Variants in TMEM117 observed in about 807,000 individuals in gnomAD.
The protein encoded by TMEM117 is transmembrane protein 117.
Under a neutral mutation model 52.4 loss-of-function variants are expected in TMEM117, and 27 were observed. The observed-to-expected ratio is 0.51, with a 90% CI of 0.38 to 0.71. The LOEUF is 0.71. TMEM117 is among the 30% of genes least tolerant of loss of function. The pLI is 0.00. For missense variants in TMEM117, 556 were observed against 630.5 expected (o/e 0.88, Z 1.26); for synonymous variants, 215 against 206.3 (o/e 1.04, Z -0.36).
chr12:43,877,926 C>G lies in TMEM117; in HGVS notation c.277+32998C>G, dbSNP rs567073364. 3.6e-5 allele frequency among the ~76,000 whole-genome samples: 5 copies of G among 138,436 alleles called. 1 individual carries two copies. The highest frequency in any genetic ancestry group is 2.2e-4 in the Admixed American group (3 of 13,790). 90.8% of individuals were successfully genotyped at this position (138,436 alleles called of 152,430 possible). ...ACACACACACACACACACACACACA[C>G]ACAGACAGAATAATACTTTATATAT... On this transcript the variant is annotated intron_variant, in intron 2 of 7. Transcript: ENST00000266534.
At chr12:43,842,915 C>T (rs1276308588) in intron 1 of TMEM117, among the ~76,000 whole-genome samples, 1 of 152,154 alleles carries the variant, frequency 6.6e-6, no homozygotes, top group Non-Finnish European at 1.5e-5. Flanking sequence ...GTTGATCTGG[C>T]TGTCTGCAGA....
chr12:43,842,890 A>G (rs1943138557), intron 1 of TMEM117, among the ~76,000 whole-genome samples: 1 of 152,148 alleles, frequency 6.6e-6, no homozygotes, highest in Non-Finnish European at 1.5e-5. Flanking sequence ...TCTCTAGGCA[A>G]GGAAGGTGCA....
intron 3 of TMEM117, among the ~76,000 whole-genome samples, chr12:44,139,172 T>C (rs7977482): frequency 0.27 from 41,013 of 151,944 alleles, 9,991 homozygotes; most frequent in African/African-American, 0.66. Flanking sequence ...TTCAGTGAAG[T>C]ATGGATCCAT....
At chr12:44,241,150 T>A (rs1950056702) in intron 5 of TMEM117, among the ~76,000 whole-genome samples, 1 of 152,010 alleles carries the variant, frequency 6.6e-6, no homozygotes. Flanking sequence ...TCTAATACAA[T>A]GTAAAACACA....
chr12:43,945,135 A>AAATAAATC lies in TMEM117; in HGVS notation c.410+799_410+800insTCAATAAA, dbSNP rs1162995837. On this transcript the variant is annotated intron_variant, in intron 3 of 7. Coordinates refer to ENST00000266534, the MANE Select transcript of TMEM117 (RefSeq NM_032256.3). ...TAAATAAATAAATAAATAAATAAATAAATAAAGTGGGCCACCCTGTATTAA... is the reference window on the plus strand; with the variant it reads ...TAAATAAATAAATAAATAAATAAATAAATAAATCAATAAAGTGGGCCACCCTGTATTAA... Among the ~76,000 whole-genome samples the AAATAAATC allele has an allele frequency of 5.3e-5, 8 of 151,818 alleles. No homozygotes were observed. The East Asian group carries it at 1.5e-3, about 29-fold the overall frequency.
At chr12:43,826,497 A>G in the TMEM117 span, among the ~76,000 whole-genome samples, 1 of 152,186 alleles carries the variant, frequency 6.6e-6, no homozygotes, top group Non-Finnish European at 1.5e-5. Context: ...ATAGACTTCT[A>G]GAGTTGGGGA....
chr12:44,383,769 G>T (rs867700145), intron 7 of TMEM117, among the ~76,000 whole-genome samples: 1 of 151,708 alleles, frequency 6.6e-6, no homozygotes, highest in Non-Finnish European at 1.5e-5. Flanking sequence ...GTTCTTTTTT[G>T]TCTTAAATCC....
intron 3 of TMEM117, among the ~76,000 whole-genome samples, chr12:44,105,679 T>C (rs548175075): frequency 6.6e-6 from 1 of 152,006 alleles, no homozygotes; most frequent in Non-Finnish European, 1.5e-5. Flanking sequence ...TTAGTCTCCT[T>C]CACCAACCTC....
Position 43,862,848 on chromosome 12 carries a change from T to C in TMEM117, c.277+17920T>C, listed in dbSNP as rs572326112. On this transcript the variant is annotated intron_variant, in intron 2 of 7. Coordinates refer to ENST00000266534, the MANE Select transcript of TMEM117 (RefSeq NM_032256.3). ...GAGTGGTGAAAACATTTGGTACATT[T>C]ATAAAACATCTGGGAGGCCAAGACA... is the stretch of plus-strand genomic sequence containing the variant. 6.8e-4 allele frequency among the ~76,000 whole-genome samples: 104 copies of C among 152,318 alleles called. 1 individual carries two copies. The South Asian group carries it at 7.2e-3, about 11-fold the overall frequency.
chr12:44,100,780 GTACT>G (rs1307852146), intron 3 of TMEM117, among the ~76,000 whole-genome samples: 6 of 151,896 alleles, frequency 4.0e-5, no homozygotes, highest in African/African-American at 1.5e-4. Flanking sequence ...CTTAATAAAA[GTACT>G]CACTTCAGAG....
At chr12:44,078,604 T>C (rs1408038457) in intron 3 of TMEM117, among the ~76,000 whole-genome samples, 1 of 151,798 alleles carries the variant, frequency 6.6e-6, no homozygotes, top group Non-Finnish European at 1.5e-5. Context: ...TACATTTCAA[T>C]TTTTTTTTCC....
At chr12:44,381,871 C>T (rs1217005594) in intron 7 of TMEM117, among the ~76,000 whole-genome samples, 1 of 151,984 alleles carries the variant, frequency 6.6e-6, no homozygotes, top group African/African-American at 2.4e-5. Context: ...GGGGAGGGGA[C>T]AGCCAGTGGT....
intron 2 of TMEM117, among the ~76,000 whole-genome samples, chr12:43,887,804 G>A (rs1944024444): frequency 1.3e-5 from 2 of 152,182 alleles, no homozygotes; most frequent in Non-Finnish European, 2.9e-5. Flanking sequence ...GAACAACAGT[G>A]ATGAGAAGAC....
In TMEM117 at chr12:44,090,396, C is replaced by CTTT. The variant is rs201492790; in HGVS notation, c.411-53126_411-53124dup. Among the ~76,000 whole-genome samples the CTTT allele has an allele frequency of 1.5e-3, 217 of 143,918 alleles. 1 individual carries two copies. Among genetic ancestry groups the CTTT allele is most frequent in the East Asian group, 6.6e-3 (31 of 4,726 alleles). 94.4% of individuals were successfully genotyped at this position (143,918 alleles called of 152,430 possible). On this transcript the variant is annotated intron_variant, in intron 3 of 7. Coordinates refer to ENST00000266534, the MANE Select transcript of TMEM117 (RefSeq NM_032256.3). ...CAGGGCCCCTTTTATTTTTATCTTA[C>CTTT]TTTTTATTTATTTATTTATTTATTT... is the stretch of plus-strand genomic sequence containing the variant.
chr12:43,809,557 A>G, the TMEM117 span, among the ~76,000 whole-genome samples: 2 of 152,230 alleles, frequency 1.3e-5, no homozygotes, highest in Non-Finnish European at 2.9e-5. Context: ...ATTACAATAC[A>G]GTATGATTCA....
intron 5 of TMEM117, among the ~76,000 whole-genome samples, chr12:44,295,918 C>A (rs1950763200): frequency 6.6e-6 from 1 of 152,054 alleles, no homozygotes; most frequent in Non-Finnish European, 1.5e-5. Flanking sequence ...TGTAGCTTTG[C>A]CTTTGTGTCT....
At chr12:43,965,150 A>G (rs1945464426) in intron 3 of TMEM117, among the ~76,000 whole-genome samples, 1 of 152,228 alleles carries the variant, frequency 6.6e-6, no homozygotes, top group Non-Finnish European at 1.5e-5. Context: ...GGCAGTAGAG[A>G]CATACGCATT....
At chr12:44,203,809 G>C (rs1411331222) in intron 4 of TMEM117, among the ~76,000 whole-genome samples, 2 of 152,162 alleles carry the variant, frequency 1.3e-5, no homozygotes, top group African/African-American at 4.8e-5. Flanking sequence ...TGTGGTTTGA[G>C]AGTGTAGTTG....
At chr12:43,830,490 A>G in the TMEM117 span, among the ~76,000 whole-genome samples, 2 of 151,490 alleles carry the variant, frequency 1.3e-5, no homozygotes, top group Admixed American at 6.6e-5. Context: ...CACGCCTGTA[A>G]TCGCAGCTAC....
Sources: allele counts gnomAD v4.1 joint callset (sites outside exome capture counted in the v4.1 genomes callset), GRCh38; gene constraint gnomAD v4.1.1; transcripts MANE v1.5; gene names NCBI Gene and HGNC (gene_info 2026-07-23, HGNC 2026-07-21).